COG5: variants seen among roughly 807,000 people sequenced by gnomAD.
COG5 encodes component of oligomeric golgi complex 5.
A neutral mutation model predicts 110.4 loss-of-function variants in COG5; 86 were observed. The observed-to-expected ratio is 0.78, with a 90% CI of 0.65 to 0.93. The LOEUF (loss-of-function observed/expected upper bound fraction) is 0.93. Ranked by LOEUF, COG5 falls within the 40% of genes least tolerant of loss-of-function variation. The probability of loss-of-function intolerance (pLI) is 0.00; values close to 1 mark genes in which losing one functional copy is unlikely to be tolerated. For missense variants in COG5, 1,077 were observed against 987.0 expected (o/e 1.09, Z -1.22); for synonymous variants, 360 against 334.6 (o/e 1.08, Z -0.83).
At chr7:107,251,133 C>CAAAAAAAAAAAAA (rs564589238) in intron 16 of COG5, among the ~76,000 whole-genome samples, 2 of 54,852 alleles carry the variant, frequency 3.6e-5, no homozygotes, top group Admixed American at 1.8e-4. Context: ...TGAAACTAGC[C>CAAAAAAAAAAAAA]AAAAAAAAAA....
chr7:107,246,245 C>G (rs796719872), intron 17 of COG5, among the ~76,000 whole-genome samples: 14 of 152,170 alleles, frequency 9.2e-5, no homozygotes, highest in African/African-American at 3.1e-4. Flanking sequence ...CATGCAAAAC[C>G]CAAAACTATA....
chr7:107,474,418 G>A lies in COG5; in HGVS notation c.538+52819C>T. On this transcript the variant is annotated intron_variant, in intron 6 of 21. Transcript: ENST00000297135. This position sits in a 1 kb window ranked among gnomAD's most constrained non-coding sequence, Gnocchi z 5.7. ...TGCTCTCATTTGCTGTTTCCATGAG[G>A]CTTGTGTATCTTTTGCAAGTGTCTC... is the stretch of plus-strand genomic sequence containing the variant. The A allele has an allele frequency of 6.2e-7, 1 of 1,613,016 alleles. No homozygotes were observed. Among genetic ancestry groups the A allele is most frequent in the Non-Finnish European group, 8.5e-7 (1 of 1,179,308 alleles).
At chr7:107,544,760 CAT>C (rs1482961449) in intron 5 of COG5, among the ~76,000 whole-genome samples, 2 of 152,202 alleles carry the variant, frequency 1.3e-5, no homozygotes, top group Admixed American at 6.5e-5. Flanking sequence ...ATCAGGGAAA[CAT>C]AACACCACCA....
chr7:107,216,034 A>G (rs901001762), intron 19 of COG5, among the ~76,000 whole-genome samples: 8 of 152,146 alleles, frequency 5.3e-5, no homozygotes, highest in Non-Finnish European at 1.0e-4. Context: ...TTCTAAGGAC[A>G]CAAAGAATAA....
intron 10 of COG5, among the ~76,000 whole-genome samples, chr7:107,335,444 A>G (rs1810625465): frequency 6.6e-6 from 1 of 152,224 alleles, no homozygotes; most frequent in Non-Finnish European, 1.5e-5. Context: ...CCTCATAATA[A>G]TGATTCAAAA....
At chr7:107,525,951 T>C (rs1462268837) in intron 6 of COG5, among the ~76,000 whole-genome samples, 1 of 152,204 alleles carries the variant, frequency 6.6e-6, no homozygotes, top group Non-Finnish European at 1.5e-5. Flanking sequence ...ATATTCCCAA[T>C]GATTTTCCTA....
At chr7:107,503,378 C>A (rs1338347575) in intron 6 of COG5, among the ~76,000 whole-genome samples, 2 of 152,122 alleles carry the variant, frequency 1.3e-5, no homozygotes, top group Non-Finnish European at 1.5e-5. Context: ...TATACCAGAA[C>A]CATGCTGTTC....
chr7:107,420,414 G>A (rs1391356224), intron 6 of COG5, among the ~76,000 whole-genome samples: 4 of 152,200 alleles, frequency 2.6e-5, no homozygotes, highest in Admixed American at 2.6e-4. Context: ...AACATGTAGA[G>A]ATAATCTTAA....
chr7:107,359,605 T>G (rs901797949), intron 10 of COG5, among the ~76,000 whole-genome samples: 27 of 152,056 alleles, frequency 1.8e-4, no homozygotes, highest in African/African-American at 6.3e-4. Context: ...TGGTGCTTTT[T>G]CCAGGCCTGC....
chr7:107,494,325 C>T (rs1420030031), intron 6 of COG5, among the ~76,000 whole-genome samples: 1 of 152,120 alleles, frequency 6.6e-6, no homozygotes, highest in African/African-American at 2.4e-5. Context: ...CAGATAAGCT[C>T]TAAACCTATA....
At chr7:107,333,615 C>A (rs1046572003) in intron 10 of COG5, among the ~76,000 whole-genome samples, 34 of 152,068 alleles carry the variant, frequency 2.2e-4, no homozygotes, top group African/African-American at 5.8e-4. Flanking sequence ...GAAGGTAGAA[C>A]AGATAGCATT....
At chr7:107,555,496 G>C (rs73419450) in intron 2 of COG5, among the ~76,000 whole-genome samples, 2 of 152,172 alleles carry the variant, frequency 1.3e-5, no homozygotes, top group South Asian at 4.2e-4. Flanking sequence ...TGGTCACCTC[G>C]GTCTTTTATT....
chr7:107,213,739 G>C (rs2116228061), intron 19 of COG5, among the ~76,000 whole-genome samples: 1 of 152,254 alleles, frequency 6.6e-6, no homozygotes, highest in Admixed American at 6.5e-5. Flanking sequence ...GGCTCATCCA[G>C]AATCACAGGC....
Position 107,305,804 on chromosome 7 carries a change from C to T in COG5, c.1109-7458G>A, listed in dbSNP as rs191577077. Among the ~76,000 whole-genome samples the T allele has an allele frequency of 3.2e-3, 490 of 151,974 alleles. 2 individuals carry two copies. Among genetic ancestry groups the T allele is most frequent in the Middle Eastern group, 0.01 (3 of 294 alleles). ...GGAATGGTATGACAGCTGCTTGTATCGTCAAAATGTGCAAGCAAAGAAGGC... is the reference window on the plus strand; with the variant it reads ...GGAATGGTATGACAGCTGCTTGTATTGTCAAAATGTGCAAGCAAAGAAGGC... On this transcript the variant is annotated intron_variant, in intron 11 of 21. Coordinates refer to ENST00000297135, the MANE Select transcript of COG5 (RefSeq NM_006348.5).
At chr7:107,369,372 G>A (rs1813913669) in intron 8 of COG5, among the ~76,000 whole-genome samples, 1 of 148,416 alleles carries the variant, frequency 6.7e-6, no homozygotes, top group African/African-American at 2.5e-5. Context: ...AAACAATGAG[G>A]TAACAAAAAT....
intron 14 of COG5, among the ~76,000 whole-genome samples, chr7:107,272,968 G>C (rs140670284): frequency 3.3e-5 from 5 of 152,260 alleles, no homozygotes; most frequent in African/African-American, 4.8e-5. Context: ...CAAATGCAGA[G>C]TTTTAGTTTG....
chr7:107,301,003 C>CT (rs1275543500), intron 11 of COG5, among the ~76,000 whole-genome samples: 2 of 152,242 alleles, frequency 1.3e-5, no homozygotes, highest in African/African-American at 4.8e-5. Flanking sequence ...CCACACATAT[C>CT]TGACAGACTG....
chr7:107,355,744 G>C (rs946620890), intron 10 of COG5, among the ~76,000 whole-genome samples: 2 of 152,208 alleles, frequency 1.3e-5, no homozygotes, highest in African/African-American at 4.8e-5. Flanking sequence ...ACAGTAAAAA[G>C]ATCAGTGGTT....
At chr7:107,415,912 ATGTG>A (rs765454031) in intron 6 of COG5, among the ~76,000 whole-genome samples, 1,636 of 79,038 alleles carry the variant, frequency 0.021, 162 homozygotes, top group Non-Finnish European at 0.036. Flanking sequence ...GTATGTATGT[ATGTG>A]TGTGTATATA....
Sources: gnomAD v4.1 joint callset for allele counts (sites outside exome capture counted in the v4.1 genomes callset) on GRCh38, gnomAD v4.1.1 for gene constraint, Gnocchi (gnomAD v3.1) non-coding constraint, MANE v1.5 for transcripts, NCBI Gene and HGNC (gene_info 2026-07-23, HGNC 2026-07-21) for gene names.